Variants in BTBD3 observed in about 807,000 individuals in gnomAD.
The protein encoded by BTBD3 is BTB/POZ domain-containing protein 3.
A neutral mutation model predicts 41.6 loss-of-function variants in BTBD3; 14 were observed. The ratio of observed to expected loss-of-function variants is 0.34; its 90% CI spans 0.22 to 0.53. The LOEUF is 0.53. Ranked by LOEUF, BTBD3 falls within the 20% of genes least tolerant of loss-of-function variation. The pLI is 0.95. For missense variants in BTBD3, 426 were observed against 654.7 expected (o/e 0.65, Z 3.81); for synonymous variants, 249 against 233.7 (o/e 1.07, Z -0.60).
At chr20:11,903,070 A>G (rs770708963) in intron 1 of BTBD3, among the ~76,000 whole-genome samples, 20 of 152,214 alleles carry the variant, frequency 1.3e-4, no homozygotes, top group Non-Finnish European at 2.4e-4. Flanking sequence ...TTTAAATAAA[A>G]TGTTATTTAG....
At chr20:11,903,448 A>G (rs2056835424) in intron 1 of BTBD3, among the ~76,000 whole-genome samples, 1 of 152,148 alleles carries the variant, frequency 6.6e-6, no homozygotes, top group South Asian at 2.1e-4. Context: ...ATACTTGTCT[A>G]CCTCAAAGCT....
intron 1 of BTBD3, among the ~76,000 whole-genome samples, chr20:11,901,136 G>GA (rs1340467137): frequency 1.3e-5 from 2 of 152,176 alleles, no homozygotes; most frequent in Admixed American, 6.5e-5. Flanking sequence ...ATTTTCAATA[G>GA]AAAAAAATGG....
At chr20:11,916,950 A>G (rs1197192393), upstream of BTBD3, among the ~76,000 whole-genome samples, 4 of 152,214 alleles carry the variant, frequency 2.6e-5, no homozygotes, top group Non-Finnish European at 5.9e-5. Context: ...CACCTACAAA[A>G]ATCAAATGGT....
At chr20:11,905,626 G>T (rs1334420604) in intron 1 of BTBD3, among the ~76,000 whole-genome samples, 1 of 152,222 alleles carries the variant, frequency 6.6e-6, no homozygotes, top group East Asian at 1.9e-4. Flanking sequence ...CTGCGGAAAA[G>T]TAAGGTGACT....
rs776054550 is a variant in BTBD3 at position 11,925,996 on chromosome 20, G to T, written c.*2330G>T. ...GAGCTGTGGGTAAAATTTGAAAATT[G>T]TATTTAGAATAAGAAATTTTACATT... is the stretch of plus-strand genomic sequence containing the variant. On this transcript the variant is annotated 3_prime_UTR_variant, in exon 4 of 4. Transcript: ENST00000378226. The T allele has an allele frequency of 1.3e-5, 2 of 151,946 alleles. No homozygotes were observed. The highest frequency in any genetic ancestry group is 6.6e-5 in the Admixed American group (1 of 15,260). 9.4% of individuals were successfully genotyped at this position (151,946 alleles called of 1,614,324 possible). A position where few individuals can be genotyped will look rare whatever the true frequency, so the allele number is the denominator to read the frequency against.
chr20:11,919,444 AC>A, intron 2 of BTBD3: 1 of 1,408,666 alleles, frequency 7.1e-7, no homozygotes, highest in Non-Finnish European at 9.2e-7. Context: ...TCGTATGTTT[AC>A]CCTTCTCCTA....
chr20:11,900,294 T>A (rs2056815883), intron 1 of BTBD3, among the ~76,000 whole-genome samples: 1 of 152,232 alleles, frequency 6.6e-6, no homozygotes, highest in Non-Finnish European at 1.5e-5. Context: ...TATTCAGTAC[T>A]ATTGGCCAAG....
At chr20:11,915,102 A>C (rs2056910089), upstream of BTBD3, among the ~76,000 whole-genome samples, 1 of 152,232 alleles carries the variant, frequency 6.6e-6, no homozygotes, top group Admixed American at 6.5e-5. Context: ...AATTTGTTGA[A>C]ATACAATTGT....
intron 1 of BTBD3, chr20:11,891,235 G>A (rs1487815257): frequency 6.6e-6 from 1 of 151,948 alleles, no homozygotes; most frequent in African/African-American, 2.4e-5. Context: ...GGTGCCGGGG[G>A]CGGAGGGGCA....
chr20:11,891,973 A>G (rs2056757428), intron 1 of BTBD3, among the ~76,000 whole-genome samples: 1 of 152,132 alleles, frequency 6.6e-6, no homozygotes, highest in African/African-American at 2.4e-5. Flanking sequence ...AACACAGTGT[A>G]TTTTTTAAAG....
chr20:11,906,614 T>C (rs1038461150), intron 1 of BTBD3, among the ~76,000 whole-genome samples: 6 of 152,170 alleles, frequency 3.9e-5, no homozygotes, highest in African/African-American at 1.4e-4. Flanking sequence ...GAGAATTCTT[T>C]ATTTTTTGTA....
At chr20:11,903,904 A>C (rs2056838375) in intron 1 of BTBD3, among the ~76,000 whole-genome samples, 1 of 152,060 alleles carries the variant, frequency 6.6e-6, no homozygotes, top group African/African-American at 2.4e-5. Context: ...CACCGCTCTT[A>C]ATTTTTGTGG....
chr20:11,917,889 A>T (rs967229171), upstream of BTBD3: 4 of 1,007,710 alleles, frequency 4.0e-6, no homozygotes, highest in East Asian at 3.9e-4. Flanking sequence ...CCTCCGATCC[A>T]TTCACCACAC....
At chr20:11,896,866 A>T (rs1321277932) in intron 1 of BTBD3, among the ~76,000 whole-genome samples, 5 of 152,248 alleles carry the variant, frequency 3.3e-5, no homozygotes, top group Non-Finnish European at 7.3e-5. Context: ...TATTCAATGC[A>T]TGAGCATATT....
chr20:11,908,321 G>GTTTTTTTTTTTTTTTTT (rs3834758), intron 1 of BTBD3, among the ~76,000 whole-genome samples: 1 of 77,074 alleles, frequency 1.3e-5, no homozygotes, highest in African/African-American at 4.9e-5. Flanking sequence ...CTTCTCTGTG[G>GTTTTTTTTTTTTTTTTT]TTTTTTTTTT....
rs1428395355 is a variant in BTBD3, at chr20:11,918,205, GGCTAATCTCTTTTCCTT to G, written c.-69_-53del. On this transcript the variant is annotated 5_prime_UTR_variant, in exon 1 of 4. Coordinates refer to ENST00000378226, the MANE Select transcript of BTBD3 (RefSeq NM_014962.4). Reference sequence around the variant, plus strand: ...TGGTTTCAGTTAACCTCTTAGCCCGGGCTAATCTCTTTTCCTTGATGTTCAAACCAATTTGGGATATC... The same window carrying G: ...TGGTTTCAGTTAACCTCTTAGCCCGGGATGTTCAAACCAATTTGGGATATC... 16 of 1,503,492 alleles carry G rather than the reference GGCTAATCTCTTTTCCTT, an allele frequency of 1.1e-5. No individual in the cohort carries two copies. The highest frequency in any genetic ancestry group is 1.3e-5 in the Non-Finnish European group (15 of 1,136,816). The allele number at this position is 1,503,492 out of a possible 1,614,324, so 93.1% of individuals were successfully genotyped here.
At chr20:11,912,236 A>G (rs915759991) in intron 1 of BTBD3, among the ~76,000 whole-genome samples, 8 of 152,166 alleles carry the variant, frequency 5.3e-5, no homozygotes, top group Non-Finnish European at 4.4e-5. Context: ...TGCTAGTGAG[A>G]TATGGCTGGG....
At chr20:11,920,262 C>G (rs1483338659) in intron 3 of BTBD3, among the ~76,000 whole-genome samples, 3 of 152,130 alleles carry the variant, frequency 2.0e-5, no homozygotes, top group Non-Finnish European at 2.9e-5. Flanking sequence ...TCTGAGTATT[C>G]TAAGAGTTAT....
chr20:11,914,315 G>T (rs1037436847), upstream of BTBD3, among the ~76,000 whole-genome samples: 1 of 152,096 alleles, frequency 6.6e-6, no homozygotes, highest in African/African-American at 2.4e-5. Flanking sequence ...AGAAATGAAA[G>T]AATAAAGTGA....
Sources: allele counts gnomAD v4.1 joint callset (sites outside exome capture counted in the v4.1 genomes callset), GRCh38; gene constraint gnomAD v4.1.1; transcripts MANE v1.5; gene names NCBI Gene and HGNC (gene_info 2026-07-23, HGNC 2026-07-21).